ATRNL1: variants seen among roughly 807,000 people sequenced by gnomAD.
ATRNL1 encodes the protein attractin-like protein 1.
ATRNL1 carries 95 observed loss-of-function variants against 182.7 expected under a neutral mutation model. The observed-to-expected ratio is 0.52, with a 90% CI of 0.44 to 0.62. ATRNL1 has a LOEUF of 0.62. Ranked by LOEUF, ATRNL1 falls within the 20% of genes least tolerant of loss-of-function variation. The pLI is 0.00. For synonymous variants in ATRNL1, 576 were observed against 568.3 expected, an observed-to-expected ratio of 1.01 and a Z score of -0.19; for missense variants, 1,471 against 1,679.5, an observed-to-expected ratio of 0.88 and a Z score of 2.17.
At chr10:115,381,999 A>G (rs2485971) in intron 19 of ATRNL1, among the ~76,000 whole-genome samples, 105,591 of 151,890 alleles carry the variant, frequency 0.7, 37,557 homozygotes, top group Non-Finnish European at 0.75. Context: ...GACAAGAATC[A>G]ATTGGCCATA....
intron 26 of ATRNL1, among the ~76,000 whole-genome samples, chr10:115,584,839 T>G (rs1555009287): frequency 6.6e-6 from 1 of 151,788 alleles, no homozygotes; most frequent in Non-Finnish European, 1.5e-5. Context: ...AATTGTGATG[T>G]TAGGGTGTCA....
intron 26 of ATRNL1, among the ~76,000 whole-genome samples, chr10:115,584,823 T>C (rs1855404079): frequency 2.0e-5 from 3 of 151,964 alleles, no homozygotes; most frequent in Admixed American, 2.0e-4. Context: ...CTTTTCTAGT[T>C]CTTTTAATTG....
intron 28 of ATRNL1, among the ~76,000 whole-genome samples, chr10:115,896,432 T>C (rs1952211012): frequency 6.6e-6 from 1 of 151,588 alleles, no homozygotes; most frequent in Non-Finnish European, 1.5e-5. Context: ...TATTATAGAA[T>C]GCAAAACCTG....
chr10:115,671,228 T>G (rs1945687855), intron 26 of ATRNL1, among the ~76,000 whole-genome samples: 1 of 152,116 alleles, frequency 6.6e-6, no homozygotes, highest in African/African-American at 2.4e-5. Flanking sequence ...TTGATGAATT[T>G]CCTATCAAGT....
chr10:115,889,257 T>C (rs1320025795), intron 28 of ATRNL1, among the ~76,000 whole-genome samples: 1 of 152,150 alleles, frequency 6.6e-6, no homozygotes, highest in Non-Finnish European at 1.5e-5. Context: ...TTCAGCTACT[T>C]ACACACTTTT....
At chr10:115,901,548 C>T (rs1378916299) in intron 28 of ATRNL1, among the ~76,000 whole-genome samples, 1 of 151,630 alleles carries the variant, frequency 6.6e-6, no homozygotes, top group Non-Finnish European at 1.5e-5. Context: ...GTTTTTGTTG[C>T]ACTTAATATG....
chr10:115,289,217 A>G (rs1209504333), intron 15 of ATRNL1, among the ~76,000 whole-genome samples: 7 of 152,118 alleles, frequency 4.6e-5, no homozygotes, highest in African/African-American at 1.7e-4. Flanking sequence ...ACAGCACAGG[A>G]AAGACCTGCC....
chr10:115,375,203 G>T (rs1857608263), intron 19 of ATRNL1, among the ~76,000 whole-genome samples: 1 of 151,614 alleles, frequency 6.6e-6, no homozygotes, highest in Non-Finnish European at 1.5e-5. Flanking sequence ...TCCATTTAAT[G>T]ATTTGATCTT....
At chr10:115,328,340 G>A (rs1484881310) in intron 18 of ATRNL1, among the ~76,000 whole-genome samples, 3 of 152,004 alleles carry the variant, frequency 2.0e-5, no homozygotes, top group Admixed American at 6.6e-5. Flanking sequence ...GGTTCAATGC[G>A]ATGTTTTAAT....
chr10:115,842,017 A>T (rs1589590762), intron 27 of ATRNL1, among the ~76,000 whole-genome samples: 1 of 152,048 alleles, frequency 6.6e-6, no homozygotes, highest in Admixed American at 6.6e-5. Flanking sequence ...GTTGAAAAAG[A>T]CTCATTTTTA....
intron 24 of ATRNL1, among the ~76,000 whole-genome samples, chr10:115,495,461 A>G (rs1365507721): frequency 6.6e-6 from 1 of 152,124 alleles, no homozygotes; most frequent in Non-Finnish European, 1.5e-5. Flanking sequence ...GTTTAGCACT[A>G]AAAACTTTCC....
intron 24 of ATRNL1, among the ~76,000 whole-genome samples, chr10:115,474,921 T>G (rs1379048152): frequency 1.3e-5 from 2 of 151,312 alleles, no homozygotes; most frequent in African/African-American, 4.9e-5. Flanking sequence ...TTTAGCCCTG[T>G]CGCCACTGAA....
intron 28 of ATRNL1, among the ~76,000 whole-genome samples, chr10:115,902,449 T>C (rs1952383858): frequency 1.3e-5 from 2 of 152,162 alleles, no homozygotes; most frequent in South Asian, 4.2e-4. Context: ...TTATTTTTTA[T>C]AGGACTAATT....
At chr10:115,381,767 T>G (rs557647918) in intron 19 of ATRNL1, among the ~76,000 whole-genome samples, 2 of 152,260 alleles carry the variant, frequency 1.3e-5, no homozygotes, top group South Asian at 2.1e-4. Flanking sequence ...CTAAAACAAT[T>G]ACCTAACTCA....
intron 6 of ATRNL1, 58 bp downstream of exon 6, chr10:115,160,272 T>C: frequency 6.7e-7 from 1 of 1,489,038 alleles, no homozygotes; most frequent in Non-Finnish European, 9.1e-7. Context: ...ATCCAAAATG[T>C]CTTTTTTTTT....
intron 21 of ATRNL1, among the ~76,000 whole-genome samples, chr10:115,430,241 G>A (rs2134409758): frequency 6.6e-6 from 1 of 152,032 alleles, no homozygotes; most frequent in African/African-American, 2.4e-5. Flanking sequence ...CTTTTTAATT[G>A]GTAGTTATTT....
At chr10:115,639,372 T>C (rs1438070814) in intron 26 of ATRNL1, among the ~76,000 whole-genome samples, 4 of 152,238 alleles carry the variant, frequency 2.6e-5, no homozygotes, top group Admixed American at 1.3e-4. Flanking sequence ...GCTACAGACC[T>C]TCCTTTAAAA....
intron 27 of ATRNL1, among the ~76,000 whole-genome samples, chr10:115,731,874 AT>A (rs1555063000): frequency 6.9e-6 from 1 of 144,050 alleles, no homozygotes; most frequent in Non-Finnish European, 1.5e-5. Flanking sequence ...ATCTTTACAG[AT>A]TTTACTGTTT....
At chr10:115,848,415 A>G (rs563587170) in intron 28 of ATRNL1, among the ~76,000 whole-genome samples, 2 of 152,268 alleles carry the variant, frequency 1.3e-5, no homozygotes, top group East Asian at 1.9e-4. Context: ...AAACTAGGGA[A>G]CGTGTATGTT....
Sources: allele counts gnomAD v4.1 joint callset (sites outside exome capture counted in the v4.1 genomes callset), GRCh38; gene constraint gnomAD v4.1.1; transcripts MANE v1.5; gene names NCBI Gene and HGNC (gene_info 2026-07-23, HGNC 2026-07-21).